The following CACNA2D3 variants were observed in gnomAD, a reference collection of about 807,000 sequenced individuals.
CACNA2D3 encodes calcium voltage-gated channel auxiliary subunit alpha2delta 3, also known as voltage-dependent calcium channel subunit alpha-2/delta-3.
CACNA2D3 carries 60 observed loss-of-function variants against 160.6 expected under a neutral mutation model. The observed-to-expected ratio is 0.37, with a 90% CI of 0.30 to 0.46. The LOEUF (loss-of-function observed/expected upper bound fraction) is 0.46. Ranked by LOEUF, CACNA2D3 falls within the 20% of genes least tolerant of loss-of-function variation. CACNA2D3 has a pLI of 1.00. For missense variants in CACNA2D3, 1,205 were observed against 1,365.0 expected, an observed-to-expected ratio of 0.88 and a Z score of 1.85; for synonymous variants, 558 against 492.9, an observed-to-expected ratio of 1.13 and a Z score of -1.75.
At chr3:54,483,214 C>T (rs114692963) in intron 4 of CACNA2D3, among the ~76,000 whole-genome samples, 326 of 152,258 alleles carry the variant, frequency 2.1e-3, no homozygotes, top group Non-Finnish European at 3.3e-3. Flanking sequence ...TATGCATTTG[C>T]TGTAAGAGCT....
intron 11 of CACNA2D3, among the ~76,000 whole-genome samples, chr3:54,678,374 C>T (rs1391661721): frequency 2.0e-5 from 3 of 151,870 alleles, no homozygotes; most frequent in Admixed American, 6.6e-5. Flanking sequence ...AAAGATTGGG[C>T]GTAGAGGAAA....
chr3:54,624,508 G>T (rs1699053315), intron 9 of CACNA2D3, among the ~76,000 whole-genome samples: 1 of 152,174 alleles, frequency 6.6e-6, no homozygotes, highest in South Asian at 2.1e-4. Flanking sequence ...TGTAGTCCCA[G>T]CTACTCTGGA....
chr3:54,967,560 T>A (rs965184705), intron 27 of CACNA2D3, among the ~76,000 whole-genome samples: 5 of 152,184 alleles, frequency 3.3e-5, no homozygotes, highest in African/African-American at 1.2e-4. Flanking sequence ...TTTGCAAAAC[T>A]GCACTGGGGT....
chr3:54,803,222 C>T lies in CACNA2D3; in HGVS notation c.1381-13631C>T, dbSNP rs960818299. On this transcript the variant is annotated intron_variant, in intron 13 of 37. Transcript: ENST00000474759. ...AAAGCTGGACGGAGAATGACTTTGA[C>T]GAGTTGAGGGAAGAAGGCTTCAGAC... Among the ~76,000 whole-genome samples, 6 of 152,176 alleles carry T rather than the reference C, an allele frequency of 3.9e-5. No individual in the cohort carries two copies. In the East Asian group the frequency reaches 5.8e-4, roughly 15 times the overall value.
chr3:54,777,526 A>G (rs1450042718), intron 13 of CACNA2D3, among the ~76,000 whole-genome samples: 1 of 152,266 alleles, frequency 6.6e-6, no homozygotes, highest in Non-Finnish European at 1.5e-5. Context: ...CATGCTTTTA[A>G]ATCAATTTTC....
intron 4 of CACNA2D3, among the ~76,000 whole-genome samples, chr3:54,471,169 T>G (rs997602973): frequency 6.6e-6 from 1 of 152,112 alleles, no homozygotes; most frequent in African/African-American, 2.4e-5. Context: ...AGTAAAACAC[T>G]CCTCAGCAAA....
chr3:54,257,476 C>T (rs902006807), intron 2 of CACNA2D3, among the ~76,000 whole-genome samples: 3 of 152,052 alleles, frequency 2.0e-5, no homozygotes, highest in Non-Finnish European at 4.4e-5. Context: ...TTATTTTTTT[C>T]CCCCACCAGC....
intron 2 of CACNA2D3, among the ~76,000 whole-genome samples, chr3:54,294,622 A>G (rs1703297803): frequency 6.6e-6 from 1 of 152,180 alleles, no homozygotes; most frequent in Non-Finnish European, 1.5e-5. Context: ...TCAAATCTAA[A>G]AACAACACAC....
chr3:54,137,657 A>G (rs1168912813), intron 2 of CACNA2D3, among the ~76,000 whole-genome samples: 1 of 152,238 alleles, frequency 6.6e-6, no homozygotes, highest in Non-Finnish European at 1.5e-5. Context: ...AACATGTTTC[A>G]TGAAACATCA....
chr3:55,019,135 G>A (rs1406899574), intron 35 of CACNA2D3, among the ~76,000 whole-genome samples: 2 of 135,626 alleles, frequency 1.5e-5, no homozygotes, highest in Non-Finnish European at 1.5e-5. Context: ...GTCATGGGCT[G>A]AGTTCCCATC....
intron 11 of CACNA2D3, among the ~76,000 whole-genome samples, chr3:54,673,704 A>T (rs866625685): frequency 1.3e-5 from 2 of 152,218 alleles, no homozygotes; most frequent in African/African-American, 4.8e-5. Flanking sequence ...TAGGACATTA[A>T]TCCTTAACAT....
intron 2 of CACNA2D3, among the ~76,000 whole-genome samples, chr3:54,196,369 T>G (rs1454099854): frequency 6.6e-6 from 1 of 152,156 alleles, no homozygotes; most frequent in Non-Finnish European, 1.5e-5. Flanking sequence ...TAAGGCCTCT[T>G]AAGGGGCAGG....
At chr3:54,412,355 G>C (rs932884476) in intron 4 of CACNA2D3, among the ~76,000 whole-genome samples, 2 of 151,922 alleles carry the variant, frequency 1.3e-5, no homozygotes, top group African/African-American at 2.4e-5. Context: ...AAATATGATT[G>C]TGGATTTGTT....
chr3:54,873,377 A>C (rs1046539761), intron 18 of CACNA2D3, among the ~76,000 whole-genome samples: 1 of 149,000 alleles, frequency 6.7e-6, no homozygotes, highest in African/African-American at 2.6e-5. Context: ...TCTTCACTTT[A>C]TCTGTTGATT....
intron 11 of CACNA2D3, among the ~76,000 whole-genome samples, chr3:54,662,609 C>G (rs1699992593): frequency 6.6e-6 from 1 of 152,200 alleles, no homozygotes; most frequent in South Asian, 2.1e-4. Flanking sequence ...CCTGCCTCCT[C>G]CCTCAGCCTC....
intron 13 of CACNA2D3, among the ~76,000 whole-genome samples, chr3:54,804,031 GC>G (rs1231291407): frequency 6.6e-6 from 1 of 151,958 alleles, no homozygotes; most frequent in East Asian, 1.9e-4. Flanking sequence ...CACCAGGCCT[GC>G]CCTAAAAGAG....
chr3:54,204,222 C>A (rs563423345), intron 2 of CACNA2D3, among the ~76,000 whole-genome samples: 1 of 152,192 alleles, frequency 6.6e-6, no homozygotes, highest in African/African-American at 2.4e-5. Flanking sequence ...GATTGTGGGA[C>A]TGCTCAGCCT....
chr3:54,573,152 C>T (rs1575353771), intron 8 of CACNA2D3, among the ~76,000 whole-genome samples: 2 of 152,308 alleles, frequency 1.3e-5, no homozygotes, highest in East Asian at 3.9e-4. Flanking sequence ...CATAAATAAT[C>T]AGCTTCAACA....
chr3:54,211,985 A>G (rs1301732258), intron 2 of CACNA2D3, among the ~76,000 whole-genome samples: 1 of 152,116 alleles, frequency 6.6e-6, no homozygotes, highest in Non-Finnish European at 1.5e-5. Context: ...GAGAAGGGAC[A>G]GAAATCTCAA....
Sources: allele counts gnomAD v4.1 joint callset (sites outside exome capture counted in the v4.1 genomes callset), GRCh38; gene constraint gnomAD v4.1.1; transcripts MANE v1.5; gene names NCBI Gene and HGNC (gene_info 2026-07-23, HGNC 2026-07-21).